Variants in TENM2 observed in about 807,000 individuals in gnomAD.
The protein encoded by TENM2 is teneurin transmembrane protein 2.
Under a neutral mutation model 245.2 loss-of-function variants are expected in TENM2, and 52 were observed. The observed-to-expected ratio is 0.21, with a 90% CI of 0.17 to 0.27. TENM2 has a LOEUF of 0.27. Ranked by LOEUF, TENM2 falls within the 10% of genes least tolerant of loss-of-function variation. The pLI, the probability that TENM2 is intolerant of heterozygous loss-of-function variation, is 1.00. For missense variants in TENM2, 3,046 were observed against 3,666.8 expected (o/e 0.83, Z 4.37); for synonymous variants, 1,363 against 1,438.9 (o/e 0.95, Z 1.19).
rs868410255 is a variant in TENM2, at chr5:168,247,065, T to C, written c.6126T>C (p.Tyr2042=). 5.6e-6 allele frequency: 9 copies of C among 1,613,982 alleles called. No homozygotes were observed. The Middle Eastern group carries it at 8.2e-4, about 148-fold the overall frequency. ...ACAGTACCGCCGTCACCTTCGGGTA[T>C]GACGAGACCACTGGTGTCTTGAAGA... is the stretch of plus-strand genomic sequence containing the variant. Residue 2042 remains tyrosine (Y), a synonymous_variant, in exon 27 of 29, where the codon TAT becomes TAC. Transcript: ENST00000518659. The surrounding 1 kb of genome is among the most constrained non-coding windows in gnomAD (Gnocchi z 7.8).
At chr5:167,937,475 C>T (rs1778813946) in intron 3 of TENM2, among the ~76,000 whole-genome samples, 1 of 152,216 alleles carries the variant, frequency 6.6e-6, no homozygotes, top group African/African-American at 2.4e-5. Context: ...TCTCATTTTG[C>T]ATACCCACCA....
At chr5:167,478,081 C>T (rs1352003547) in intron 2 of TENM2, among the ~76,000 whole-genome samples, 1 of 152,156 alleles carries the variant, frequency 6.6e-6, no homozygotes, top group Non-Finnish European at 1.5e-5. Context: ...TGCACTCAAA[C>T]TGGGAAGAGC....
chr5:167,678,475 C>A (rs1239581798), intron 2 of TENM2, among the ~76,000 whole-genome samples: 1 of 152,118 alleles, frequency 6.6e-6, no homozygotes, highest in Non-Finnish European at 1.5e-5. Context: ...ACAGATTTAT[C>A]CTTTTCTTCC....
intron 8 of TENM2, among the ~76,000 whole-genome samples, chr5:168,096,860 A>T (rs1033659583): frequency 2.6e-5 from 3 of 115,780 alleles, no homozygotes; most frequent in Non-Finnish European, 3.8e-5. Flanking sequence ...GACAAAAATT[A>T]GGATTATGGT....
chr5:167,151,925 A>T, the TENM2 span, among the ~76,000 whole-genome samples: 5 of 152,308 alleles, frequency 3.3e-5, no homozygotes, highest in Admixed American at 2.6e-4. Context: ...AGCAGCTCCA[A>T]GTCGAAAGGA....
At chr5:167,032,223 T>A in the TENM2 span, among the ~76,000 whole-genome samples, 5 of 152,162 alleles carry the variant, frequency 3.3e-5, no homozygotes, top group Non-Finnish European at 7.4e-5. Flanking sequence ...CCTCAAAAAA[T>A]TTGCATGCAT....
the TENM2 span, among the ~76,000 whole-genome samples, chr5:167,116,021 C>T: frequency 3.0e-4 from 46 of 152,296 alleles, no homozygotes; most frequent in African/African-American, 6.0e-4. Flanking sequence ...ATAATTTGCA[C>T]GCTGTCTGGC....
At chr5:166,996,979 T>C in the TENM2 span, among the ~76,000 whole-genome samples, 6 of 152,330 alleles carry the variant, frequency 3.9e-5, no homozygotes, top group Admixed American at 3.3e-4. Flanking sequence ...CAGTGAATTA[T>C]TAGGGCATAT....
chr5:167,695,261 A>G (rs1000747393), intron 2 of TENM2, among the ~76,000 whole-genome samples: 1 of 152,182 alleles, frequency 6.6e-6, no homozygotes, highest in East Asian at 1.9e-4. Context: ...GCAGGCCATG[A>G]GGTCTCTGTT....
At chr5:168,033,438 G>A (rs970758474) in intron 5 of TENM2, among the ~76,000 whole-genome samples, 2 of 152,086 alleles carry the variant, frequency 1.3e-5, no homozygotes, top group African/African-American at 4.8e-5. Flanking sequence ...GAGGATACTT[G>A]CTACCTCAAA....
intron 2 of TENM2, among the ~76,000 whole-genome samples, chr5:167,553,512 G>A (rs951681749): frequency 2.6e-5 from 4 of 152,240 alleles, no homozygotes; most frequent in Admixed American, 6.5e-5. Context: ...AATGAGACAA[G>A]GAGATGGGAA....
chr5:168,092,486 T>C (rs1025912178), intron 8 of TENM2, among the ~76,000 whole-genome samples: 13 of 152,228 alleles, frequency 8.5e-5, no homozygotes, highest in African/African-American at 2.7e-4. Context: ...CCTAAATCCT[T>C]ACTCTCTGTC....
At chr5:166,979,692 A>G in the TENM2 span, among the ~76,000 whole-genome samples, 1 of 151,056 alleles carries the variant, frequency 6.6e-6, no homozygotes, top group Non-Finnish European at 1.5e-5. Flanking sequence ...ATGGTTTTCT[A>G]TGTATTTTTT....
the TENM2 span, among the ~76,000 whole-genome samples, chr5:167,198,634 C>A: frequency 3.1e-4 from 47 of 152,014 alleles, no homozygotes; most frequent in African/African-American, 1.1e-3. Context: ...AGACCTGATT[C>A]TGTGTCCCTT....
chr5:167,795,868 T>C (rs1413728833), intron 2 of TENM2, among the ~76,000 whole-genome samples: 1 of 152,212 alleles, frequency 6.6e-6, no homozygotes, highest in Non-Finnish European at 1.5e-5. Context: ...GCAATGTGCA[T>C]AAGAAATTAC....
At chr5:167,788,656 A>G (rs904979539) in intron 2 of TENM2, among the ~76,000 whole-genome samples, 1 of 152,204 alleles carries the variant, frequency 6.6e-6, no homozygotes, top group African/African-American at 2.4e-5. Flanking sequence ...AATTAAGGCA[A>G]TGCAAGCTGT....
intron 2 of TENM2, among the ~76,000 whole-genome samples, chr5:167,625,811 G>T (rs1030414673): frequency 6.6e-6 from 1 of 152,164 alleles, no homozygotes; most frequent in Non-Finnish European, 1.5e-5. Flanking sequence ...CTTGACTGTG[G>T]CAGGGAGAAT....
chr5:167,562,035 G>A (rs1447324711), intron 2 of TENM2, among the ~76,000 whole-genome samples: 3 of 152,176 alleles, frequency 2.0e-5, no homozygotes, highest in Non-Finnish European at 2.9e-5. Flanking sequence ...AAGAGATGGT[G>A]AGCGTGGAGG....
At chr5:168,160,885 G>T (rs536296487) in intron 12 of TENM2, among the ~76,000 whole-genome samples, 20 of 152,142 alleles carry the variant, frequency 1.3e-4, no homozygotes, top group African/African-American at 4.6e-4. Flanking sequence ...AGAAAAAATC[G>T]CTGGGCATGG....
Sources: gnomAD v4.1 joint callset for allele counts (sites outside exome capture counted in the v4.1 genomes callset) on GRCh38, gnomAD v4.1.1 for gene constraint, Gnocchi (gnomAD v3.1) non-coding constraint, MANE v1.5 for transcripts, NCBI Gene and HGNC (gene_info 2026-07-23, HGNC 2026-07-21) for gene names.